MUSK: variants seen among roughly 807,000 people sequenced by gnomAD.
The protein encoded by MUSK is muscle, skeletal receptor tyrosine-protein kinase.
Under a neutral mutation model 88.7 loss-of-function variants are expected in MUSK, and 55 were observed. The observed-to-expected ratio is 0.62, with a 90% CI of 0.50 to 0.78. The LOEUF is 0.78. Ranked by LOEUF, MUSK falls within the 30% of genes least tolerant of loss-of-function variation. The pLI is 0.00. For missense variants in MUSK, 1,015 were observed against 1,074.3 expected (o/e 0.94, Z 0.77); for synonymous variants, 387 against 391.9 (o/e 0.99, Z 0.15).
chr9:110,767,653 C>T (rs905583704), intron 8 of MUSK, 167 bp from the exon 9 acceptor site: 4 of 724,044 alleles, frequency 5.5e-6, no homozygotes, highest in African/African-American at 1.8e-5. Flanking sequence ...GATATAATTG[C>T]AGCTGGAAAT....
chr9:110,736,656 T>C (rs2077033443), intron 6 of MUSK, among the ~76,000 whole-genome samples: 1 of 152,118 alleles, frequency 6.6e-6, no homozygotes, highest in Non-Finnish European at 1.5e-5. Flanking sequence ...GTTTTCCCAC[T>C]GATTCTTGTT....
intron 1 of MUSK, among the ~76,000 whole-genome samples, chr9:110,678,516 G>A (rs2076059770): frequency 6.6e-6 from 1 of 151,572 alleles, no homozygotes; most frequent in Non-Finnish European, 1.5e-5. Context: ...GAAAAACTTT[G>A]GGGCATTATA....
chr9:110,711,105 C>T (rs13300084), intron 5 of MUSK, among the ~76,000 whole-genome samples: 7,626 of 151,266 alleles, frequency 0.05, 458 homozygotes, highest in African/African-American at 0.14. Context: ...GTTGTGGGGT[C>T]GGGGGAGAGG....
At chr9:110,738,878 A>C (rs1410345391) in intron 6 of MUSK, among the ~76,000 whole-genome samples, 3 of 152,184 alleles carry the variant, frequency 2.0e-5, no homozygotes, top group Non-Finnish European at 4.4e-5. Flanking sequence ...TCCTCAGGCT[A>C]TCCATCTTTG....
At chr9:110,694,215 C>CAAAAAAAAAA (rs1217917603) in intron 3 of MUSK, among the ~76,000 whole-genome samples, 50 of 71,736 alleles carry the variant, frequency 7.0e-4, no homozygotes, top group East Asian at 1.1e-3. Context: ...ACTAAAAATA[C>CAAAAAAAAAA]AAAAAAAAAA....
chr9:110,745,229 T>C (rs1185089637), intron 6 of MUSK, among the ~76,000 whole-genome samples: 1 of 152,086 alleles, frequency 6.6e-6, no homozygotes, highest in African/African-American at 2.4e-5. Context: ...AGTTTAAAAA[T>C]TGCTTCTCTT....
chr9:110,691,024 C>T lies in MUSK; in HGVS notation c.358+3756C>T, dbSNP rs376260262. ...AGATTACAGGCATGTGCCACCGGAC[C>T]CTGCTAATTTTTGTATTTTTGGTAG... is the stretch of plus-strand genomic sequence containing the variant. On this transcript the variant is annotated intron_variant, in intron 3 of 14. Coordinates refer to ENST00000374448, the MANE Select transcript of MUSK (RefSeq NM_005592.4). 8.7e-4 allele frequency among the ~76,000 whole-genome samples: 132 copies of T among 151,366 alleles called. 3 individuals carry two copies. The South Asian group carries it at 0.021, about 24-fold the overall frequency.
chr9:110,756,463 A>G (rs970536579), intron 7 of MUSK, among the ~76,000 whole-genome samples: 4 of 151,732 alleles, frequency 2.6e-5, no homozygotes, highest in African/African-American at 9.7e-5. Context: ...TACCATCCCA[A>G]TGGTGGGGAG....
intron 7 of MUSK, among the ~76,000 whole-genome samples, chr9:110,751,617 T>C (rs2077248874): frequency 6.6e-6 from 1 of 152,122 alleles, no homozygotes; most frequent in African/African-American, 2.4e-5. Flanking sequence ...TGACTTTTCA[T>C]GAGCTTGACA....
chr9:110,791,285 A>C (rs992214386), intron 14 of MUSK, among the ~76,000 whole-genome samples: 1 of 140,946 alleles, frequency 7.1e-6, no homozygotes, highest in African/African-American at 2.7e-5. Flanking sequence ...AGGGCGAGGC[A>C]TTGCCTCACC....
intron 11 of MUSK, among the ~76,000 whole-genome samples, chr9:110,782,581 T>C (rs1436871412): frequency 1.3e-5 from 2 of 152,202 alleles, no homozygotes; most frequent in Admixed American, 6.5e-5. Flanking sequence ...CCTCACATGT[T>C]ATATATGGTG....
At chr9:110,786,626 A>T (rs1239299060) in intron 13 of MUSK, among the ~76,000 whole-genome samples, 5 of 152,178 alleles carry the variant, frequency 3.3e-5, no homozygotes, top group Non-Finnish European at 7.4e-5. Flanking sequence ...ACATTATAAT[A>T]TAATGTATAG....
chr9:110,800,018 C>T (rs144454578), intron 14 of MUSK, among the ~76,000 whole-genome samples: 1 of 152,264 alleles, frequency 6.6e-6, no homozygotes, highest in African/African-American at 2.4e-5. Flanking sequence ...ACTTGATGCA[C>T]CATGTACGAT....
At chr9:110,733,589 C>T (rs140279849) in intron 5 of MUSK, among the ~76,000 whole-genome samples, 94 of 150,424 alleles carry the variant, frequency 6.2e-4, no homozygotes, top group African/African-American at 2.3e-3. Flanking sequence ...TTTTTTTGCC[C>T]AATATATCAT....
rs55804137 is a variant in MUSK, at chr9:110,787,477, T to C, written c.1779-213T>C. 0.098 allele frequency among the ~76,000 whole-genome samples: 14,828 copies of C among 151,994 alleles called. 941 individuals are homozygous for C. Among genetic ancestry groups the C allele is most frequent in the South Asian group, 0.18 (854 of 4,824 alleles). On this transcript the variant is annotated intron_variant, in intron 13 of 14. Transcript: ENST00000374448. The stretch of plus-strand genomic sequence containing the variant: ...ATCTTTCAAACTTCATTGTTTGAAA[T>C]TGTTGAAAATAACACCAGTGATTTT...
intron 5 of MUSK, among the ~76,000 whole-genome samples, chr9:110,702,395 A>G (rs1479884484): frequency 6.6e-6 from 1 of 152,106 alleles, no homozygotes; most frequent in Non-Finnish European, 1.5e-5. Context: ...ACCTTGTATA[A>G]AGCTGAGAAC....
intron 5 of MUSK, among the ~76,000 whole-genome samples, chr9:110,708,135 T>A (rs1180639007): frequency 6.6e-6 from 1 of 150,382 alleles, no homozygotes; most frequent in Non-Finnish European, 1.5e-5. Context: ...TATCTATCTA[T>A]CTATCATGTC....
chr9:110,670,023 T>C (rs1460944583), intron 1 of MUSK, among the ~76,000 whole-genome samples: 1 of 152,208 alleles, frequency 6.6e-6, no homozygotes, highest in Non-Finnish European at 1.5e-5. Flanking sequence ...TCTGGTTCAC[T>C]AAAAATTCTG....
At chr9:110,689,700 TAAA>T (rs2076271707) in intron 3 of MUSK, among the ~76,000 whole-genome samples, 1 of 48,928 alleles carries the variant, frequency 2.0e-5, no homozygotes, top group Admixed American at 2.3e-4. Flanking sequence ...TAGTTATATA[TAAA>T]TATATAACTA....
Sources: gnomAD v4.1 joint callset for allele counts (sites outside exome capture counted in the v4.1 genomes callset) on GRCh38, gnomAD v4.1.1 for gene constraint, MANE v1.5 for transcripts, NCBI Gene and HGNC (gene_info 2026-07-23, HGNC 2026-07-21) for gene names.